The following STAG2 variants were observed in gnomAD, a reference collection of about 807,000 sequenced individuals.
STAG2 encodes the protein cohesin subunit SA-2.
STAG2 carries 14 observed loss-of-function variants against 108.1 expected under a neutral mutation model. The observed-to-expected ratio is 0.13, with a 90% CI of 0.09 to 0.20. STAG2 has a LOEUF of 0.20. Ranked by LOEUF, STAG2 falls within the 10% of genes least tolerant of loss-of-function variation. STAG2 has a pLI of 1.00. For missense variants in STAG2, 440 were observed against 940.9 expected, an observed-to-expected ratio of 0.47 and a Z score of 6.96; for synonymous variants, 307 against 302.7, an observed-to-expected ratio of 1.01 and a Z score of -0.15.
chrX:123,970,060 A>G (rs1417599697), intron 1 of STAG2, among the ~76,000 whole-genome samples: 1 of 106,623 alleles, frequency 9.4e-6, no homozygotes, highest in Non-Finnish European at 1.9e-5. Flanking sequence ...GGAGACAAGG[A>G]AAACAAAATA....
chrX:123,971,286 A>G (rs893162753), intron 1 of STAG2, among the ~76,000 whole-genome samples: 2 of 111,217 alleles, frequency 1.8e-5, no homozygotes, highest in East Asian at 5.6e-4. Flanking sequence ...AAAATTAGCC[A>G]GGTGTGGTGG....
At chrX:124,090,160 CAAAAAAAAAAAAAA>C (rs758142487) in intron 30 of STAG2, among the ~76,000 whole-genome samples, 3 of 28,405 alleles carry the variant, frequency 1.1e-4, no homozygotes, top group Non-Finnish European at 1.7e-4. Context: ...GACTCTGTCT[CAAAAAAAAAAAAAA>C]AAAAAAAAAA....
At chrX:123,969,300 A>G (rs1015141365) in intron 1 of STAG2, among the ~76,000 whole-genome samples, 1 of 111,225 alleles carries the variant, frequency 9.0e-6, no homozygotes. Context: ...TTTTTCTTTT[A>G]GGTCATTTAT....
At chrX:124,054,543 C>T (rs1404677703) in intron 13 of STAG2, among the ~76,000 whole-genome samples, 1 of 111,669 alleles carries the variant, frequency 9.0e-6, no homozygotes, top group African/African-American at 3.3e-5. Context: ...TAACAGTATG[C>T]TACATATATT....
At chrX:124,013,587 T>C (rs1569503030) in intron 1 of STAG2, among the ~76,000 whole-genome samples, 1 of 111,934 alleles carries the variant, frequency 8.9e-6, no homozygotes, top group Non-Finnish European at 1.9e-5. Flanking sequence ...GGGAAAATAG[T>C]AGTCTTCAAA....
intron 1 of STAG2, among the ~76,000 whole-genome samples, chrX:124,000,646 A>G (rs1005246524): frequency 9.0e-6 from 1 of 111,627 alleles, no homozygotes; most frequent in Non-Finnish European, 1.9e-5. Context: ...ACTGCATTCC[A>G]CCCTGGATGA....
chrX:124,039,733 T>C (rs746922177), intron 6 of STAG2, among the ~76,000 whole-genome samples: 8 of 108,702 alleles, frequency 7.4e-5, no homozygotes, highest in African/African-American at 2.7e-4. Context: ...GAAGAAGTTG[T>C]CCCACCTTGG....
At chrX:124,073,586 T>C (rs2058728130) in intron 25 of STAG2, among the ~76,000 whole-genome samples, 1 of 111,441 alleles carries the variant, frequency 9.0e-6, no homozygotes, top group Non-Finnish European at 1.9e-5. Context: ...TCTGCCTGGC[T>C]AATTTATTTA....
chrX:123,998,679 A>G (rs1399420846), intron 1 of STAG2, among the ~76,000 whole-genome samples: 1 of 109,869 alleles, frequency 9.1e-6, no homozygotes, highest in Non-Finnish European at 1.9e-5. Context: ...TCAAATCTTA[A>G]TGTGATTTGA....
chrX:123,979,645 T>C (rs2054780980), intron 1 of STAG2, among the ~76,000 whole-genome samples: 1 of 111,536 alleles, frequency 9.0e-6, no homozygotes, highest in Admixed American at 9.6e-5. Flanking sequence ...ATGAATTGCC[T>C]TGAGTTCCAG....
At chrX:124,058,874 T>C (rs73212932) in intron 15 of STAG2, among the ~76,000 whole-genome samples, 17,980 of 111,904 alleles carry the variant, frequency 0.16, 1,186 homozygotes, top group South Asian at 0.37. Context: ...GTTATTTCTA[T>C]ATATGGATAT....
Position 124,076,342 on chromosome X carries a change from A to G in STAG2, c.2544A>G (p.Gln848=), listed in dbSNP as rs892429949. Residue 848 remains glutamine (Q), a synonymous_variant, in exon 26 of 35, where the codon CAA becomes CAG. Coordinates refer to ENST00000371145, the MANE Select transcript of STAG2 (RefSeq NM_001042750.2). The stretch of plus-strand genomic sequence containing the variant: ...GGACTTTTTCTCCAGATGGTCAGCA[A>G]GAGGATGAAGCCAGTAAAATTGAAG... ...DDDNNSADGQ[Q]EDEASKIEAL... 1.7e-6 allele frequency: 2 copies of G among 1,207,968 alleles called. No individual in the cohort carries two copies. Among genetic ancestry groups the G allele is most frequent in the African/African-American group, 1.7e-5 (1 of 57,251 alleles).
intron 1 of STAG2, among the ~76,000 whole-genome samples, chrX:123,978,116 T>C (rs890517409): frequency 9.2e-6 from 1 of 108,600 alleles, no homozygotes; most frequent in Non-Finnish European, 1.9e-5. Context: ...GTGTTGGGAT[T>C]GCAGGCGTGA....
intron 34 of STAG2, among the ~76,000 whole-genome samples, chrX:124,097,532 G>A (rs1423777170): frequency 2.7e-5 from 3 of 111,663 alleles, no homozygotes; most frequent in Admixed American, 9.6e-5. Flanking sequence ...GTGCTAAAGC[G>A]AATAAGACAC....
intron 1 of STAG2, among the ~76,000 whole-genome samples, chrX:123,981,724 T>C (rs1460647039): frequency 1.8e-5 from 2 of 111,267 alleles, no homozygotes; most frequent in Non-Finnish European, 3.8e-5. Flanking sequence ...ACCTAGTATA[T>C]GGCAGGCACT....
intron 1 of STAG2, among the ~76,000 whole-genome samples, chrX:123,989,607 CTT>C (rs754131782): frequency 7.2e-5 from 7 of 96,749 alleles, no homozygotes; most frequent in Admixed American, 1.1e-4. Context: ...TTTTTTCTTT[CTT>C]TTTTTTTTTT....
chrX:124,059,241 G>A lies in STAG2; in HGVS notation c.1416+1264G>A, dbSNP rs141293707. ...CTGAGGCACAAGAATCGCTTGAACCGGGGAGGCAGAGGTTGCAGTGAGTCA... is the reference window on the plus strand; with the variant it reads ...CTGAGGCACAAGAATCGCTTGAACCAGGGAGGCAGAGGTTGCAGTGAGTCA... On this transcript the variant is annotated intron_variant, in intron 15 of 34. Transcript: ENST00000371145. Among the ~76,000 whole-genome samples the A allele has an allele frequency of 6.4e-3, 713 of 112,111 alleles. 10 individuals are homozygous for A. Among genetic ancestry groups the A allele is most frequent in the African/African-American group, 0.022 (679 of 30,886 alleles).
intron 26 of STAG2, among the ~76,000 whole-genome samples, chrX:124,077,422 CATGTGCA>C (rs1381853853): frequency 9.0e-6 from 1 of 111,205 alleles, no homozygotes; most frequent in Non-Finnish European, 1.9e-5. Context: ...GAAAAAATTT[CATGTGCA>C]ATGTGTAATG....
upstream of STAG2, chrX:123,961,702 C>T (rs1257209371): frequency 9.6e-6 from 1 of 104,572 alleles, no homozygotes; most frequent in African/African-American, 3.5e-5. Context: ...TCCCCCCTCC[C>T]TCCCTCTCTT....
Sources: gnomAD v4.1 joint callset for allele counts (sites outside exome capture counted in the v4.1 genomes callset) on GRCh38, gnomAD v4.1.1 for gene constraint, MANE v1.5 for transcripts, NCBI Gene and HGNC (gene_info 2026-07-23, HGNC 2026-07-21) for gene names.